Variants in LRP3 observed in about 807,000 individuals in gnomAD.
The protein encoded by LRP3 is low-density lipoprotein receptor-related protein 3.
Under a neutral mutation model 58.5 loss-of-function variants are expected in LRP3, and 49 were observed. The observed-to-expected ratio is 0.84, with a 90% confidence interval of 0.67 to 1.06. The LOEUF is 1.06. Among genes scored for constraint, LRP3 ranks in the 50% least tolerant of loss-of-function variants. The pLI is 0.00. For missense variants in LRP3, 1,019 were observed against 1,134.2 expected (o/e 0.90, Z 1.46); for synonymous variants, 485 against 492.2 (o/e 0.99, Z 0.20).
chr19:33,208,782 CT>C lies in LRP3; in HGVS notation c.*1213del. ...TTAAACAGGCTTCTGAGAGTCGTATCTTTTTTCTTTTTTTTCCAGAAAAAAA... is the reference window on the plus strand; with the variant it reads ...TTAAACAGGCTTCTGAGAGTCGTATCTTTTTCTTTTTTTTCCAGAAAAAAA... On this transcript the variant is annotated 3_prime_UTR_variant, in exon 7 of 7. Coordinates refer to ENST00000253193, the MANE Select transcript of LRP3 (RefSeq NM_002333.4). The surrounding 1 kb of genome is among the most constrained non-coding windows in gnomAD (Gnocchi z 4.7). 6.8e-7 allele frequency: 1 copy of C among 1,478,592 alleles called. No homozygotes were observed. Among genetic ancestry groups the C allele is most frequent in the African/African-American group, 1.4e-5 (1 of 72,072 alleles). 91.6% of individuals were successfully genotyped at this position (1,478,592 alleles called of 1,614,324 possible).
chr19:33,205,883 G>A lies in LRP3; in HGVS notation c.1113G>A (p.Trp371Ter). 1.9e-6 allele frequency: 3 copies of A among 1,607,048 alleles called. No individual in the cohort carries two copies. The highest frequency in any genetic ancestry group is 2.5e-6 in the Non-Finnish European group (3 of 1,176,984). The change falls in exon 5 of 7, where the codon TGG (tryptophan) becomes TGA (stop). Residue 371 changes from tryptophan (W) to a stop codon, truncating the protein, a stop_gained. Coordinates refer to ENST00000253193, the MANE Select transcript of LRP3 (RefSeq NM_002333.4). LOFTEE classifies it high-confidence loss of function. ...AGGTGAAGGGCTATTGCCTCCCCTG[G>A]GAGCAGCCGTGCGGGAGCAGTAGTG... ...TYQVKGYCLP[W>*]EQPCGSSSDS...
At chr19:33,199,660 C>T (rs555372421) in intron 2 of LRP3, among the ~76,000 whole-genome samples, 50 of 152,170 alleles carry the variant, frequency 3.3e-4, no homozygotes, top group African/African-American at 1.0e-3. Context: ...TGGAAATTTC[C>T]GGGGGGCCCC....
chr19:33,200,437 G>T (rs1375675678), intron 2 of LRP3, among the ~76,000 whole-genome samples: 1 of 152,132 alleles, frequency 6.6e-6, no homozygotes, highest in Admixed American at 6.5e-5. Flanking sequence ...TGCCATGTTG[G>T]TCAGGCTGAT....
Position 33,205,648 on chromosome 19 carries a change from G to T in LRP3, c.878G>T (p.Arg293Leu). Residue 293 changes from arginine to leucine, a missense_variant, in exon 5 of 7, where the codon CGG (arginine) becomes CTG (leucine). Transcript: ENST00000253193. ...CTGGTGGACACACAGGACTCCCGGCGGGTGCTGCTGCAGCTGGAACTGCGG... is the reference window on the plus strand; with the variant it reads ...CTGGTGGACACACAGGACTCCCGGCTGGTGCTGCTGCAGCTGGAACTGCGG... Reference protein sequence around the residue: ...TWLVDTQDSRRVLLQLELRLG... With the variant: ...TWLVDTQDSRLVLLQLELRLG... 6.2e-7 allele frequency: 1 copy of T among 1,610,170 alleles called. No individual in the cohort carries two copies.
intron 2 of LRP3, 94 bp downstream of exon 2, chr19:33,196,871 C>T (rs1050310062): frequency 3.4e-5 from 40 of 1,160,476 alleles, no homozygotes; most frequent in African/African-American, 4.5e-5. Flanking sequence ...GGCACTACCC[C>T]GAGTTCCTGT....
chr19:33,204,784 G>A lies in LRP3; in HGVS notation c.407G>A (p.Trp136Ter). 1 of 1,613,530 alleles carries A rather than the reference G, an allele frequency of 6.2e-7. No homozygotes were observed. The highest frequency in any genetic ancestry group is 8.5e-7 in the Non-Finnish European group (1 of 1,180,000). ...TTCATCTCTGCCCGCGACCATGTCT[G>A]GATTTTCTTCCACTCAGACGCCTCC... ...PAFISARDHV[W>*]IFFHSDASSS... is the part of the protein sequence containing the mutation. Residue 136 changes from tryptophan to a stop codon, truncating the protein, a stop_gained, in exon 4 of 7, where the codon TGG becomes TAG. Coordinates refer to ENST00000253193, the MANE Select transcript of LRP3 (RefSeq NM_002333.4). LOFTEE classifies it high-confidence loss of function.
chr19:33,206,019 C>T lies in LRP3; in HGVS notation c.1249C>T (p.Pro417Ser). 6 of 1,583,518 alleles carry T rather than the reference C, an allele frequency of 3.8e-6. No individual in the cohort carries two copies. Among genetic ancestry groups the T allele is most frequent in the Non-Finnish European group, 5.1e-6 (6 of 1,165,510 alleles). Residue 417 changes from proline to serine, a missense_variant, in exon 5 of 7, where the codon CCG becomes TCG. By Grantham distance (74) the Pro-to-Ser change is moderately conservative. Transcript: ENST00000253193. ...GRDEQGCPAC[P>S]PDQYPCEGGS... ...AGACGAGCAGGGCTGCCCTGCCTGC[C>T]CGCCCGACCAGTACCCCTGCGAGGG...
chr19:33,205,508 G>A lies in LRP3; in HGVS notation c.738G>A (p.Glu246=), dbSNP rs774846031. ...GLQDCGDGSD[E]AGCPDLACGR... is the part of the protein sequence containing the mutation. ...AGGACTGCGGCGACGGCTCGGATGA[G>A]GCGGGCTGCCCCGACCTGGCGTGCG... Residue 246 remains glutamate, a synonymous_variant, in exon 5 of 7, where the codon GAG becomes GAA. Transcript: ENST00000253193. 40 of 1,563,124 alleles carry A rather than the reference G, an allele frequency of 2.6e-5. No homozygotes were observed. Among genetic ancestry groups the A allele is most frequent in the Middle Eastern group, 1.7e-4 (1 of 5,960 alleles).
At chr19:33,203,480 C>T (rs11673115) in intron 3 of LRP3, among the ~76,000 whole-genome samples, 58,700 of 152,178 alleles carry the variant, frequency 0.39, 14,897 homozygotes, top group Non-Finnish European at 0.57. Flanking sequence ...CGTGTATGTG[C>T]GCATGCATGT....
chr19:33,200,868 G>T (rs1178474096), intron 2 of LRP3, among the ~76,000 whole-genome samples: 1 of 152,194 alleles, frequency 6.6e-6, no homozygotes, highest in African/African-American at 2.4e-5. Context: ...TGATGGTGAC[G>T]CAGTGGTGGC....
chr19:33,204,445 TG>T, intron 3 of LRP3, 192 bp from the exon 4 acceptor site: 2 of 620,916 alleles, frequency 3.2e-6, no homozygotes, highest in Non-Finnish European at 2.9e-6. Flanking sequence ...CACACCTGGA[TG>T]GGGACAGTGT....
Position 33,207,821 on chromosome 19 carries a change from C to T in LRP3, c.*246C>T. On this transcript the variant is annotated 3_prime_UTR_variant, in exon 7 of 7. Transcript: ENST00000253193. Reference sequence around the variant, plus strand: ...ATTGTACACAAGCACCCTGGGGTCTCACTTCTCTCCCCCCACTCCATTCTG... The same window carrying T: ...ATTGTACACAAGCACCCTGGGGTCTTACTTCTCTCCCCCCACTCCATTCTG... The T allele has an allele frequency of 1.8e-6, 1 of 541,340 alleles. No individual in the cohort carries two copies. Among genetic ancestry groups the T allele is most frequent in the Non-Finnish European group, 3.2e-6 (1 of 307,748 alleles). The allele number at this position is 541,340 out of a possible 1,614,324, so 33.5% of individuals were successfully genotyped here.
chr19:33,196,584 T>G, intron 1 of LRP3, 146 bp from the exon 2 acceptor site: 7 of 695,724 alleles, frequency 1.0e-5, no homozygotes, highest in Non-Finnish European at 1.8e-5. Context: ...TGATGGGCAG[T>G]CTTGGGCTGC....
chr19:33,198,850 G>A (rs67673852), intron 2 of LRP3, among the ~76,000 whole-genome samples: 60,771 of 152,182 alleles, frequency 0.4, 16,088 homozygotes, highest in Non-Finnish European at 0.59. Context: ...CCAGCTCCCC[G>A]TCGTCGGATT....
chr19:33,207,580 T>TGGGCTCGCTGGTGACCGCC lies in LRP3; in HGVS notation c.*6_*24dup. 1 of 1,590,242 alleles carries TGGGCTCGCTGGTGACCGCC rather than the reference T, an allele frequency of 6.3e-7. No homozygotes were observed. Among genetic ancestry groups the TGGGCTCGCTGGTGACCGCC allele is most frequent in the Non-Finnish European group, 8.6e-7 (1 of 1,169,190 alleles). ...GAGGCCCTGTTGGTCTGTTGACCGC[T>TGGGCTCGCTGGTGACCGCC]GGGCTCGCTGGTGACCGCCACAGCC... On this transcript the variant is annotated 3_prime_UTR_variant, in exon 7 of 7. Transcript: ENST00000253193.
chr19:33,199,175 A>T (rs1974315755), intron 2 of LRP3, among the ~76,000 whole-genome samples: 1 of 151,976 alleles, frequency 6.6e-6, no homozygotes, highest in Non-Finnish European at 1.5e-5. Flanking sequence ...CAGTCCTCCC[A>T]TCTGCCCTCA....
intron 1 of LRP3, among the ~76,000 whole-genome samples, chr19:33,196,029 C>A (rs531536576): frequency 6.6e-6 from 1 of 152,192 alleles, no homozygotes; most frequent in South Asian, 2.1e-4. Context: ...CGTAACCCCC[C>A]GGGCCAGAGC....
At chr19:33,204,993 C>T in intron 4 of LRP3, 141 bp downstream of exon 4, 1 of 827,292 alleles carries the variant, frequency 1.2e-6, no homozygotes, top group East Asian at 2.7e-5. Flanking sequence ...AATCTCAGGA[C>T]AGTGGCAGGA....
Position 33,208,405 on chromosome 19 carries a change from C to T in LRP3, c.*830C>T. Reference sequence around the variant, plus strand: ...GGAGCCCCTGAGCTCTCCTGGGTGGCCGAGCTCAGACTGGCATCGAGGGGC... The same window carrying T: ...GGAGCCCCTGAGCTCTCCTGGGTGGTCGAGCTCAGACTGGCATCGAGGGGC... On this transcript the variant is annotated 3_prime_UTR_variant, in exon 7 of 7. Transcript: ENST00000253193. The surrounding 1 kb of genome is among the most constrained non-coding windows in gnomAD (Gnocchi z 4.7). The T allele has an allele frequency of 4.9e-6, 1 of 203,084 alleles. No homozygotes were observed. The highest frequency in any genetic ancestry group is 1.0e-5 in the Non-Finnish European group (1 of 99,052). 12.6% of individuals were successfully genotyped at this position (203,084 alleles called of 1,614,324 possible).
Sources: gnomAD v4.1 joint callset for allele counts (sites outside exome capture counted in the v4.1 genomes callset) on GRCh38, gnomAD v4.1.1 for gene constraint, Gnocchi (gnomAD v3.1) non-coding constraint, MANE v1.5 for transcripts, NCBI Gene and HGNC (gene_info 2026-07-23, HGNC 2026-07-21) for gene names.